NELL2: variants seen among roughly 807,000 people sequenced by gnomAD.
NELL2 encodes neural EGFL like 2.
In NELL2, 41 loss-of-function variants were observed where a neutral mutation model predicts 109.6. The observed-to-expected ratio is 0.37, with a 90% confidence interval of 0.29 to 0.49. The LOEUF is 0.49. NELL2 is among the 20% of genes least tolerant of loss of function. The pLI, the probability that NELL2 is intolerant of heterozygous loss-of-function variation, is 0.98. For synonymous variants in NELL2, 355 were observed against 344.7 expected (o/e 1.03, Z -0.33); for missense variants, 900 against 1,008.3 (o/e 0.89, Z 1.45).
intron 13 of NELL2, among the ~76,000 whole-genome samples, chr12:44,623,086 A>G (rs180670647): frequency 1.1e-3 from 175 of 152,234 alleles, no homozygotes; most frequent in African/African-American, 3.7e-3. Flanking sequence ...GATGTTATAA[A>G]TACGTGTTAA....
chr12:44,855,794 A>T (rs1401513965), intron 2 of NELL2, among the ~76,000 whole-genome samples: 1 of 152,142 alleles, frequency 6.6e-6, no homozygotes, highest in African/African-American at 2.4e-5. Context: ...AAATGCTGTT[A>T]TTTCCTCTGT....
At chr12:44,844,501 T>A (rs1324610108) in intron 2 of NELL2, among the ~76,000 whole-genome samples, 1 of 152,132 alleles carries the variant, frequency 6.6e-6, no homozygotes, top group East Asian at 1.9e-4. Context: ...ACTAAGCAAT[T>A]GTAAAAATCA....
At chr12:44,523,571 A>C in intron 16 of NELL2, 87 bp from the exon 17 acceptor site, 1 of 1,112,092 alleles carries the variant, frequency 9.0e-7, no homozygotes, top group Non-Finnish European at 1.3e-6. Flanking sequence ...CTCCTGACAT[A>C]AGGTATTCAA....
chr12:44,868,106 T>C (rs1484603052), intron 2 of NELL2, among the ~76,000 whole-genome samples: 3 of 108,824 alleles, frequency 2.8e-5, no homozygotes, highest in Admixed American at 1.4e-4. Context: ...GGTGAAACAG[T>C]GAGGCTCCAT....
rs1201579270 is a variant in NELL2 at position 44,800,573 on chromosome 12, T to G, written c.335+15413A>C. 3.3e-5 allele frequency among the ~76,000 whole-genome samples: 5 copies of G among 152,268 alleles called. No individual in the cohort carries two copies. The South Asian group carries it at 6.2e-4, about 19-fold the overall frequency. ...CACCTAAAAATGATCCATGATACTT[T>G]TACGGATATGTCCATCTGGAGTGAG... On this transcript the variant is annotated intron_variant, in intron 3 of 19. Transcript: ENST00000429094.
chr12:44,705,763 A>G (rs567834271), intron 11 of NELL2, among the ~76,000 whole-genome samples: 201 of 152,334 alleles, frequency 1.3e-3, no homozygotes, highest in Middle Eastern at 3.4e-3. Context: ...ACTCCTTAAG[A>G]TACACAGAGA....
At chr12:44,876,866 T>TGGC, upstream of NELL2, 1 of 1,294,502 alleles carries the variant, frequency 7.7e-7, no homozygotes, top group Middle Eastern at 3.0e-4. Flanking sequence ...TGGGGACGGA[T>TGGC]GGCGAGCCTG....
chr12:44,865,153 CT>C (rs1944954138), intron 2 of NELL2, among the ~76,000 whole-genome samples: 1 of 117,448 alleles, frequency 8.5e-6, no homozygotes, highest in Non-Finnish European at 1.8e-5. Flanking sequence ...TGTTTTTTGG[CT>C]GCATAAATGT....
At chr12:44,622,679 C>T (rs1447865449) in intron 13 of NELL2, among the ~76,000 whole-genome samples, 1 of 152,128 alleles carries the variant, frequency 6.6e-6, no homozygotes. Flanking sequence ...ACAGTTGGAT[C>T]AGATACTACT....
At chr12:44,510,641 T>G (rs1044768124) in intron 19 of NELL2, among the ~76,000 whole-genome samples, 7 of 152,320 alleles carry the variant, frequency 4.6e-5, no homozygotes, top group Non-Finnish European at 7.4e-5. Context: ...TCTAACTTAT[T>G]ATTAAGCTGA....
intron 2 of NELL2, among the ~76,000 whole-genome samples, chr12:44,819,779 G>A (rs1486876124): frequency 1.3e-5 from 2 of 152,130 alleles, no homozygotes; most frequent in African/African-American, 4.8e-5. Context: ...CAGGAAGGAG[G>A]GACCCTCCAG....
At chr12:44,553,830 A>G (rs1943136267) in intron 15 of NELL2, among the ~76,000 whole-genome samples, 1 of 152,160 alleles carries the variant, frequency 6.6e-6, no homozygotes, top group South Asian at 2.1e-4. Flanking sequence ...AAATGTTCCA[A>G]ACTAAAGAGA....
chr12:44,808,608 T>G (rs1404225476), intron 3 of NELL2, among the ~76,000 whole-genome samples: 1 of 152,010 alleles, frequency 6.6e-6, no homozygotes, highest in Non-Finnish European at 1.5e-5. Context: ...TTAAATAAAG[T>G]GCAAGCAGAA....
chr12:44,682,715 G>T (rs1348777027), intron 12 of NELL2, among the ~76,000 whole-genome samples: 2 of 152,190 alleles, frequency 1.3e-5, no homozygotes, highest in African/African-American at 4.8e-5. Flanking sequence ...GTTTGTCAAA[G>T]ATCAGATAGT....
chr12:44,510,151 T>C (rs961859957), intron 19 of NELL2, among the ~76,000 whole-genome samples: 1 of 152,228 alleles, frequency 6.6e-6, no homozygotes, highest in Admixed American at 6.5e-5. Context: ...AACTCATAGA[T>C]AATGTTAATA....
At chr12:44,616,198 A>G (rs1945819066) in intron 13 of NELL2, among the ~76,000 whole-genome samples, 1 of 152,114 alleles carries the variant, frequency 6.6e-6, no homozygotes, top group South Asian at 2.1e-4. Context: ...ATATACCTTC[A>G]TAGTCAGCCC....
rs1329958383 is a variant in NELL2, at chr12:44,774,791, G to A, written c.950C>T (p.Ser317Leu). The change falls in exon 9 of 20, where the codon TCG (serine) becomes TTG (leucine). Residue 317 changes from serine (S) to leucine (L), a missense_variant. By Grantham distance (145) the Ser-to-Leu change is moderately radical. This residue lies in a region of NELL2 where 292 missense variants were observed against 265.3 expected (regional missense o/e 1.10). Transcript: ENST00000429094. ...ICPNPDCPLK[S>L]ALAYVDGKCC... Reference sequence around the variant, plus strand: ...TTTGCCATCCACATACGCAAGAGCCGACTTAAGTGGGCAGTCAGGATTTGG... The same window carrying A: ...TTTGCCATCCACATACGCAAGAGCCAACTTAAGTGGGCAGTCAGGATTTGG... 39 of 1,613,976 alleles carry A rather than the reference G, an allele frequency of 2.4e-5. No homozygotes were observed. The highest frequency in any genetic ancestry group is 2.2e-4 in the East Asian group (10 of 44,894).
intron 9 of NELL2, among the ~76,000 whole-genome samples, chr12:44,723,061 C>A (rs111896387): frequency 6.6e-6 from 1 of 151,870 alleles, no homozygotes; most frequent in Non-Finnish European, 1.5e-5. Context: ...TGGTGGTGGG[C>A]GCCTGTAGTC....
chr12:44,766,472 A>G (rs1941339690), intron 9 of NELL2, among the ~76,000 whole-genome samples: 1 of 152,204 alleles, frequency 6.6e-6, no homozygotes, highest in South Asian at 2.1e-4. Context: ...TTTAAATTGC[A>G]TATGTCTCAT....
Sources: allele counts gnomAD v4.1 joint callset (sites outside exome capture counted in the v4.1 genomes callset), GRCh38; gene constraint gnomAD v4.1.1; regional missense constraint gnomAD v4.1.1; transcripts MANE v1.5; gene names NCBI Gene and HGNC (gene_info 2026-07-23, HGNC 2026-07-21).